Variants in UIMC1 observed in about 807,000 individuals in gnomAD.
UIMC1 encodes BRCA1-A complex subunit RAP80.
UIMC1 carries 42 observed loss-of-function variants against 84.9 expected under a neutral mutation model. That is an observed-to-expected ratio of 0.49 (90% CI 0.39 to 0.64). The LOEUF is 0.64. Among genes scored for constraint, UIMC1 ranks in the 30% least tolerant of loss-of-function variants. The pLI, the probability that UIMC1 is intolerant of heterozygous loss-of-function variation, is 0.00. For synonymous variants in UIMC1, 281 were observed against 293.0 expected, an observed-to-expected ratio of 0.96 and a Z score of 0.42; for missense variants, 825 against 847.6, an observed-to-expected ratio of 0.97 and a Z score of 0.33.
At chr5:176,928,980 G>A (rs1270571501) in intron 10 of UIMC1, among the ~76,000 whole-genome samples, 1 of 151,968 alleles carries the variant, frequency 6.6e-6, no homozygotes, top group African/African-American at 2.4e-5. Context: ...TTGGCCGGGC[G>A]TGGTGGCTTA....
At chr5:176,940,003 C>A (rs1476521490) in intron 10 of UIMC1, among the ~76,000 whole-genome samples, 1 of 152,160 alleles carries the variant, frequency 6.6e-6, no homozygotes, top group Non-Finnish European at 1.5e-5. Context: ...GGTCACTGAT[C>A]CTGGACACAG....
intron 10 of UIMC1, among the ~76,000 whole-genome samples, chr5:176,924,478 A>G (rs920229051): frequency 6.6e-6 from 1 of 152,166 alleles, no homozygotes; most frequent in Non-Finnish European, 1.5e-5. Context: ...TAAATAAAAA[A>G]GAGAAGCCAG....
intron 2 of UIMC1, 85 bp from the exon 3 acceptor site, chr5:176,975,565 G>A: frequency 8.0e-7 from 1 of 1,256,976 alleles, no homozygotes; most frequent in Non-Finnish European, 1.1e-6. Context: ...ATGGCTAAGA[G>A]AGGCCTCTGA....
In UIMC1 at chr5:176,968,559, C is replaced by T; in HGVS notation, c.1196G>A (p.Gly399Asp). 6.2e-7 allele frequency: 1 copy of T among 1,607,442 alleles called. No individual in the cohort carries two copies. The change falls in exon 6 of 15, where the codon GGT becomes GAT. Residue 399 changes from glycine to aspartate, a missense_variant. Gly to Asp is a moderately conservative substitution (Grantham distance 94). Coordinates refer to ENST00000511320, the MANE Select transcript of UIMC1 (RefSeq NM_001199298.2). ...LLEEEPTTSH[G>D]QSSQGIVEET... ...TACAGCATCACTGACCCTTACCTGA[C>T]CATGACTGGTTGTTGGTTCTTCCTC...
At chr5:176,984,017 A>G (rs1400904372) in intron 1 of UIMC1, among the ~76,000 whole-genome samples, 4 of 141,442 alleles carry the variant, frequency 2.8e-5, no homozygotes, top group Admixed American at 7.0e-5. Flanking sequence ...CTGGGAAGTG[A>G]GGAGCGCCTC....
At position 177,018,184 on chromosome 5, in the gene UIMC1, C is replaced by T. The variant is rs545272255; in HGVS notation, c.-9+4280G>A. 3.9e-5 allele frequency among the ~76,000 whole-genome samples: 6 copies of T among 151,936 alleles called. No homozygotes were observed. The East Asian group carries it at 9.8e-4, about 25-fold the overall frequency. ...TGGCCAACATGGTAAAATCCTGTCT[C>T]TAATAAAAATACAAAAATTAGCTTG... On this transcript the variant is annotated intron_variant, in intron 1 of 5. Transcript: ENST00000509236.
intron 3 of UIMC1, 52 bp from the exon 4 acceptor site, chr5:176,970,918 T>C: frequency 6.3e-7 from 1 of 1,590,202 alleles, no homozygotes; most frequent in Non-Finnish European, 8.6e-7. Context: ...CACTGAATAA[T>C]CATGGAGGCA....
At chr5:176,940,077 A>G (rs1469761131) in intron 10 of UIMC1, among the ~76,000 whole-genome samples, 1 of 152,138 alleles carries the variant, frequency 6.6e-6, no homozygotes, top group Non-Finnish European at 1.5e-5. Flanking sequence ...GACTCAGTCT[A>G]TTTTGCCCAC....
chr5:176,989,827 A>C (rs1772545361), intron 1 of UIMC1, among the ~76,000 whole-genome samples: 1 of 152,046 alleles, frequency 6.6e-6, no homozygotes, highest in Non-Finnish European at 1.5e-5. Context: ...CTATGGTCTA[A>C]ATGTTTGTGT....
chr5:176,969,581 G>A lies in UIMC1; in HGVS notation c.463+20C>T, dbSNP rs1188814939. ...CAGTTATACTTGATGAATGGAAGGAGTCAGAACAGGGAGACATGCCTTCAG... is the reference window on the plus strand; with the variant it reads ...CAGTTATACTTGATGAATGGAAGGAATCAGAACAGGGAGACATGCCTTCAG... On this transcript the variant is annotated intron_variant, in intron 5 of 14. Coordinates refer to ENST00000511320, the MANE Select transcript of UIMC1 (RefSeq NM_001199298.2). The A allele has an allele frequency of 6.2e-7, 1 of 1,607,766 alleles. No individual in the cohort carries two copies. The highest frequency in any genetic ancestry group is 8.5e-7 in the Non-Finnish European group (1 of 1,174,346).
At chr5:176,941,537 A>G (rs1021721413) in intron 10 of UIMC1, among the ~76,000 whole-genome samples, 39 of 152,214 alleles carry the variant, frequency 2.6e-4, no homozygotes, top group African/African-American at 9.4e-4. Flanking sequence ...TACTTCAAGA[A>G]AAGTAAATAA....
In UIMC1 at chr5:176,994,008, C is replaced by CA. The variant is rs748687355; in HGVS notation, c.-8-11386dup. Among the ~76,000 whole-genome samples, 200 of 99,866 alleles carry CA rather than the reference C, an allele frequency of 2.0e-3. 1 individual carries two copies. The highest frequency in any genetic ancestry group is 4.6e-3 in the South Asian group (15 of 3,286). 65.5% of individuals were successfully genotyped at this position (99,866 alleles called of 152,430 possible). ...GGGTAACAAGAGTGAAACTCTATCT[C>CA]AAAAAAAAAAAAAAAGAAGAAAGTA... is the stretch of plus-strand genomic sequence containing the variant. On this transcript the variant is annotated intron_variant, in intron 1 of 14. Coordinates refer to ENST00000511320, the MANE Select transcript of UIMC1 (RefSeq NM_001199298.2).
intron 10 of UIMC1, among the ~76,000 whole-genome samples, chr5:176,916,048 C>A (rs1472130393): frequency 6.6e-6 from 1 of 152,140 alleles, no homozygotes; most frequent in African/African-American, 2.4e-5. Context: ...ATGGACTGGA[C>A]TGGGGCTTGC....
chr5:176,960,497 A>C (rs1359376227), intron 6 of UIMC1, among the ~76,000 whole-genome samples: 3 of 152,178 alleles, frequency 2.0e-5, no homozygotes, highest in Non-Finnish European at 4.4e-5. Flanking sequence ...TAAAAATTTA[A>C]GGAAGCTATG....
At chr5:176,933,510 G>C (rs572787036) in intron 10 of UIMC1, among the ~76,000 whole-genome samples, 2 of 150,962 alleles carry the variant, frequency 1.3e-5, no homozygotes, top group African/African-American at 4.9e-5. Flanking sequence ...ACATTACAAG[G>C]CTCATTGCTA....
chr5:176,916,373 G>A (rs1206598707), intron 10 of UIMC1, among the ~76,000 whole-genome samples: 2 of 152,162 alleles, frequency 1.3e-5, no homozygotes, highest in African/African-American at 4.8e-5. Flanking sequence ...CACTGCATGG[G>A]AAATGCTTTA....
intron 10 of UIMC1, among the ~76,000 whole-genome samples, chr5:176,939,007 C>T (rs985144465): frequency 6.6e-6 from 1 of 150,844 alleles, no homozygotes; most frequent in African/African-American, 2.4e-5. Context: ...AATCCCAACA[C>T]TTTAGGAGGC....
At chr5:176,986,891 C>T (rs1479649701) in intron 1 of UIMC1, among the ~76,000 whole-genome samples, 3 of 152,024 alleles carry the variant, frequency 2.0e-5, no homozygotes, top group Non-Finnish European at 2.9e-5. Flanking sequence ...ATGACATGAC[C>T]TGTGTTTAAA....
intron 11 of UIMC1, among the ~76,000 whole-genome samples, chr5:176,910,379 C>T (rs1191501937): frequency 2.0e-5 from 3 of 152,164 alleles, no homozygotes; most frequent in Non-Finnish European, 1.5e-5. Context: ...TCCAAGATAG[C>T]ATGCTTTGGA....
Sources: allele counts gnomAD v4.1 joint callset (sites outside exome capture counted in the v4.1 genomes callset), GRCh38; gene constraint gnomAD v4.1.1; transcripts MANE v1.5; gene names NCBI Gene and HGNC (gene_info 2026-07-23, HGNC 2026-07-21).